Variants in BID observed in about 807,000 individuals in gnomAD.
BID encodes BH3 interacting domain death agonist, also known as BH3-interacting domain death agonist.
Under a neutral mutation model 17.4 loss-of-function variants are expected in BID, and 19 were observed. The ratio of observed to expected loss-of-function variants is 1.09; its 90% CI spans 0.76 to 1.60. The LOEUF (loss-of-function observed/expected upper bound fraction) is 1.60, where lower values mean the gene tolerates loss of function less well. Among genes scored for constraint, BID ranks in the 40% most tolerant of loss-of-function variants. BID has a pLI of 0.00. For missense variants in BID, 226 were observed against 256.0 expected (o/e 0.88, Z 0.80); for synonymous variants, 108 against 102.8 (o/e 1.05, Z -0.31).
At chr22:17,751,374 G>A (rs1255790289) in intron 1 of BID, among the ~76,000 whole-genome samples, 4 of 147,798 alleles carry the variant, frequency 2.7e-5, no homozygotes, top group African/African-American at 1.0e-4. Flanking sequence ...GCGAGACTCC[G>A]TCTCAAAAAA....
At chr22:17,747,791 G>T (rs1342299270) in intron 2 of BID, among the ~76,000 whole-genome samples, 2 of 152,126 alleles carry the variant, frequency 1.3e-5, no homozygotes, top group Admixed American at 6.6e-5. Flanking sequence ...GGAAAAGATG[G>T]TGCTGGCCGG....
At chr22:17,740,366 G>C in intron 3 of BID, 1 of 596,730 alleles carries the variant, frequency 1.7e-6, no homozygotes, top group South Asian at 1.9e-5. Flanking sequence ...TTAAGGCCAG[G>C]AGTTAGAGGA....
In BID at chr22:17,735,314, T is replaced by G. The variant is rs1411279890; in HGVS notation, c.*266A>C. ...TGGAAATAAAGGCACCGTGTGTAGA[T>G]TTACAGATGTGCAGATTCATGTGTG... On this transcript the variant is annotated 3_prime_UTR_variant, in exon 6 of 6. Coordinates refer to ENST00000622694, the MANE Select transcript of BID (RefSeq NM_001196.4). 1 of 481,970 alleles carries G rather than the reference T, an allele frequency of 2.1e-6. No homozygotes were observed. Among genetic ancestry groups the G allele is most frequent in the East Asian group, 3.5e-5 (1 of 28,316 alleles). 29.9% of individuals were successfully genotyped at this position (481,970 alleles called of 1,614,324 possible). A position where few individuals can be genotyped will look rare whatever the true frequency, so the allele number is the denominator to read the frequency against.
At chr22:17,744,961 AT>A (rs1205813386) in intron 2 of BID, among the ~76,000 whole-genome samples, 1 of 152,222 alleles carries the variant, frequency 6.6e-6, no homozygotes, top group Non-Finnish European at 1.5e-5. Context: ...GTAGGCAGAA[AT>A]TTATTTCTAT....
In BID at chr22:17,773,680, C is replaced by T; in HGVS notation, c.-59+701G>A. On this transcript the variant is annotated intron_variant, in intron 1 of 5. Coordinates refer to ENST00000622694, the MANE Select transcript of BID (RefSeq NM_001196.4). The surrounding 1 kb of genome is among the most constrained non-coding windows in gnomAD (Gnocchi z 4.4). The stretch of plus-strand genomic sequence containing the variant: ...CACCGAGCCATCATGACCCCAGCAC[C>T]GCTGCACATTCGTATTTGTTGAATG... 2.5e-6 allele frequency: 4 copies of T among 1,610,546 alleles called. No homozygotes were observed. The South Asian group carries it at 4.4e-5, about 18-fold the overall frequency.
At chr22:17,752,265 T>A (rs940342470) in intron 1 of BID, among the ~76,000 whole-genome samples, 1 of 152,118 alleles carries the variant, frequency 6.6e-6, no homozygotes, top group South Asian at 2.1e-4. Flanking sequence ...CCAGGAAATA[T>A]CTGGAGCTGT....
At chr22:17,739,630 C>T (rs528304570) in intron 3 of BID, 142 bp from the exon 4 acceptor site, 152 of 1,134,480 alleles carry the variant, frequency 1.3e-4, no homozygotes, top group Non-Finnish European at 4.9e-6. Flanking sequence ...TCCACTCCAC[C>T]AGGGCCACAG....
At position 17,739,458 on chromosome 22, in the gene BID, T is replaced by A; in HGVS notation, c.254A>T (p.Asn85Ile). 5.6e-6 allele frequency: 9 copies of A among 1,612,510 alleles called. No individual in the cohort carries two copies. Among genetic ancestry groups the A allele is most frequent in the Non-Finnish European group, 7.6e-6 (9 of 1,179,808 alleles). ...DSESQEDIIR[N>I]IARHLAQVGD... is the part of the protein sequence containing the mutation. ...GACCTGGGCGAGGTGCCTGGCAATA[T>A]TCCGGATGATGTCTTCTTGACTTTC... Residue 85 changes from asparagine to isoleucine, a missense_variant, in exon 4 of 6, where the codon AAT (asparagine) becomes ATT (isoleucine). Physicochemically the swap from Asn to Ile is moderately radical, Grantham distance 149. Coordinates refer to ENST00000622694, the MANE Select transcript of BID (RefSeq NM_001196.4).
chr22:17,756,281 C>T (rs142726859), intron 1 of BID, among the ~76,000 whole-genome samples: 7 of 152,300 alleles, frequency 4.6e-5, no homozygotes, highest in South Asian at 4.1e-4. Context: ...GCGCAGGCAA[C>T]GGGGAAACTG....
chr22:17,756,925 T>C (rs1444536440), intron 1 of BID, among the ~76,000 whole-genome samples: 1 of 151,246 alleles, frequency 6.6e-6, no homozygotes, highest in Non-Finnish European at 1.5e-5. Context: ...GACCTGACCA[T>C]TACATGGTGC....
At position 17,744,020 on chromosome 22, in the gene BID, G is replaced by C; in HGVS notation, c.13-7C>G. ...GGCTGGAACCGTTGTTGACCTGAGG[G>C]GAAAGGGGAGTCAGGAAGCCGGGAC... is the stretch of plus-strand genomic sequence containing the variant. On this transcript the variant is annotated splice_polypyrimidine_tract_variant and splice_region_variant and intron_variant, in intron 2 of 5. Transcript: ENST00000622694. 1 of 1,611,194 alleles carries C rather than the reference G, an allele frequency of 6.2e-7. No homozygotes were observed. The highest frequency in any genetic ancestry group is 8.5e-7 in the Non-Finnish European group (1 of 1,177,778).
intron 3 of BID, among the ~76,000 whole-genome samples, 164 bp downstream of exon 3, chr22:17,743,639 C>T (rs2061475501): frequency 6.6e-6 from 1 of 152,234 alleles, no homozygotes. Flanking sequence ...TGGAGGGAAT[C>T]AAGTAGAGAC....
In BID at chr22:17,740,129, C is replaced by T. The variant is rs764211901; in HGVS notation, c.224-641G>A. ...CCACGCTCAACTGCCACGCTCCCTG[C>T]CGCCTCCGTTTCTTCCTCAGCACTT... On this transcript the variant is annotated intron_variant, in intron 3 of 5. Coordinates refer to ENST00000622694, the MANE Select transcript of BID (RefSeq NM_001196.4). The T allele has an allele frequency of 2.5e-6, 4 of 1,612,002 alleles. No individual in the cohort carries two copies. In the African/African-American group the frequency reaches 4.0e-5, roughly 16 times the overall value.
Position 17,734,644 on chromosome 22 carries a change from A to C in BID, c.*936T>G, listed in dbSNP as rs889876224. ...AAGTCCAACTGCTCTTTCATCTTTT[A>C]TGCTTAGAAACCTGTTCTCTCCAGA... On this transcript the variant is annotated 3_prime_UTR_variant, in exon 6 of 6. Coordinates refer to ENST00000622694, the MANE Select transcript of BID (RefSeq NM_001196.4). 1 of 152,216 alleles carries C rather than the reference A, an allele frequency of 6.6e-6. No homozygotes were observed. Among genetic ancestry groups the C allele is most frequent in the Admixed American group, 6.5e-5 (1 of 15,280 alleles). 9.4% of individuals were successfully genotyped at this position (152,216 alleles called of 1,614,324 possible). A position where few individuals can be genotyped will look rare whatever the true frequency, so the allele number is the denominator to read the frequency against.
chr22:17,760,692 G>T (rs928148259), intron 1 of BID, among the ~76,000 whole-genome samples: 1 of 152,080 alleles, frequency 6.6e-6, no homozygotes, highest in African/African-American at 2.4e-5. Context: ...GGCCCGGCGC[G>T]CTGGGGTGGT....
intron 2 of BID, among the ~76,000 whole-genome samples, chr22:17,746,367 G>A (rs1210660831): frequency 6.6e-6 from 1 of 152,218 alleles, no homozygotes; most frequent in Non-Finnish European, 1.5e-5. Flanking sequence ...AGGTGCTTGT[G>A]TATTGCTATT....
chr22:17,758,508 G>A (rs73148865), intron 1 of BID, among the ~76,000 whole-genome samples: 1,811 of 152,318 alleles, frequency 0.012, 22 homozygotes, highest in Non-Finnish European at 0.019. Flanking sequence ...GCACACCCAT[G>A]CTAACAGCAA....
At chr22:17,764,683 A>AG (rs1265882160) in intron 1 of BID, among the ~76,000 whole-genome samples, 1 of 152,134 alleles carries the variant, frequency 6.6e-6, no homozygotes, top group African/African-American at 2.4e-5. Context: ...GAGGAAGGAG[A>AG]GGCCCGGGTA....
intron 3 of BID, chr22:17,739,813 C>T (rs1340388388): frequency 1.0e-5 from 6 of 586,232 alleles, no homozygotes; most frequent in Admixed American, 3.0e-5. Context: ...CTTCATGGCT[C>T]ACACCACACA....
Sources: gnomAD v4.1 joint callset for allele counts (sites outside exome capture counted in the v4.1 genomes callset) on GRCh38, gnomAD v4.1.1 for gene constraint, Gnocchi (gnomAD v3.1) non-coding constraint, MANE v1.5 for transcripts, NCBI Gene and HGNC (gene_info 2026-07-23, HGNC 2026-07-21) for gene names.